NKAIN3: variants seen among roughly 807,000 people sequenced by gnomAD.
The protein encoded by NKAIN3 is sodium/potassium-transporting ATPase subunit beta-1-interacting protein 3.
In NKAIN3, 25 loss-of-function variants were observed where a neutral mutation model predicts 30.2. The observed-to-expected ratio is 0.83, with a 90% CI of 0.60 to 1.16. The LOEUF (loss-of-function observed/expected upper bound fraction) is 1.16, where lower values mean the gene tolerates loss of function less well. Ranked by LOEUF, NKAIN3 falls within the 50% of genes most tolerant of loss-of-function variation. The pLI is 0.00. For synonymous variants in NKAIN3, 91 were observed against 89.6 expected, an observed-to-expected ratio of 1.02 and a Z score of -0.09; for missense variants, 225 against 254.1, an observed-to-expected ratio of 0.89 and a Z score of 0.78.
At chr8:62,857,020 C>T (rs1311053538) in intron 4 of NKAIN3, 7 of 516,480 alleles carry the variant, frequency 1.4e-5, no homozygotes, top group Non-Finnish European at 2.3e-5. Context: ...CTTCAAGGTT[C>T]TCTTCTTGTT....
intron 3 of NKAIN3, among the ~76,000 whole-genome samples, chr8:62,656,511 G>T (rs1812769869): frequency 6.6e-6 from 1 of 151,940 alleles, no homozygotes; most frequent in Non-Finnish European, 1.5e-5. Flanking sequence ...AAGGAAGGTA[G>T]GTCCATAGCA....
chr8:62,576,207 A>T (rs982429785), intron 1 of NKAIN3, among the ~76,000 whole-genome samples: 35 of 152,222 alleles, frequency 2.3e-4, no homozygotes, highest in African/African-American at 7.9e-4. Flanking sequence ...AAAATTGCAA[A>T]CTACCCATCT....
intron 4 of NKAIN3, among the ~76,000 whole-genome samples, chr8:62,832,327 C>T (rs1005579515): frequency 1.3e-5 from 2 of 150,782 alleles, no homozygotes; most frequent in South Asian, 2.1e-4. Flanking sequence ...ATCCCACAGA[C>T]TCTATAAAGT....
At chr8:62,954,417 T>C (rs1823367190) in intron 6 of NKAIN3, among the ~76,000 whole-genome samples, 1 of 152,046 alleles carries the variant, frequency 6.6e-6, no homozygotes, top group African/African-American at 2.4e-5. Flanking sequence ...AGGGGGGAAA[T>C]AGATTAAATT....
At chr8:62,387,694 C>G (rs1817470927) in intron 1 of NKAIN3, among the ~76,000 whole-genome samples, 1 of 152,124 alleles carries the variant, frequency 6.6e-6, no homozygotes, top group Non-Finnish European at 1.5e-5. Flanking sequence ...TTTGGTGATG[C>G]CTCTAGAGCT....
chr8:62,646,952 A>G (rs1812479005), intron 3 of NKAIN3, among the ~76,000 whole-genome samples: 1 of 152,168 alleles, frequency 6.6e-6, no homozygotes, highest in African/African-American at 2.4e-5. Flanking sequence ...AGCTCCCAGC[A>G]CAAAGGCCCT....
rs529961059 is a variant in NKAIN3 at position 62,760,726 on chromosome 8, T to C, written c.471+13597T>C. 1.3e-4 allele frequency among the ~76,000 whole-genome samples: 20 copies of C among 152,200 alleles called. 1 individual carries two copies. Among genetic ancestry groups the C allele is most frequent in the South Asian group, 8.3e-4 (4 of 4,824 alleles). On this transcript the variant is annotated intron_variant, in intron 4 of 6. Transcript: ENST00000623646. ...CACCAACATGGCACATGTATACATA[T>C]GTAACAAACCTGCACATTGTGCACA...
intron 1 of NKAIN3, among the ~76,000 whole-genome samples, chr8:62,516,665 G>C (rs534743749): frequency 1.3e-5 from 2 of 152,106 alleles, no homozygotes; most frequent in South Asian, 4.2e-4. Context: ...TATCTTTTAA[G>C]ACCTTTAACA....
At chr8:62,695,728 T>G (rs146315732) in intron 3 of NKAIN3, among the ~76,000 whole-genome samples, 2 of 152,302 alleles carry the variant, frequency 1.3e-5, no homozygotes, top group Non-Finnish European at 2.9e-5. Flanking sequence ...ACATGTTGCT[T>G]TTTTGTACTC....
rs574584026 is a variant in NKAIN3, at chr8:62,584,457, G to C, written c.192+4781G>C. On this transcript the variant is annotated intron_variant, in intron 2 of 6. Transcript: ENST00000623646. ...GATCACCTTTATGAAAATGTTTTGG[G>C]TAAAGGACCATGAGACTCAAGCTCA... Among the ~76,000 whole-genome samples, 13 of 152,240 alleles carry C rather than the reference G, an allele frequency of 8.5e-5. No individual in the cohort carries two copies. The East Asian group carries it at 2.3e-3, about 27-fold the overall frequency.
intron 1 of NKAIN3, among the ~76,000 whole-genome samples, chr8:62,290,408 A>T (rs369905180): frequency 6.6e-6 from 1 of 152,170 alleles, no homozygotes; most frequent in Non-Finnish European, 1.5e-5. Flanking sequence ...TTATTTTGAG[A>T]TACGTCCCAG....
intron 1 of NKAIN3, among the ~76,000 whole-genome samples, chr8:62,560,457 C>T (rs4394390): frequency 0.49 from 73,541 of 149,278 alleles, 19,076 homozygotes; most frequent in Non-Finnish European, 0.59. Flanking sequence ...TTTTTTCAGC[C>T]TATTTTCTGT....
intron 5 of NKAIN3, among the ~76,000 whole-genome samples, chr8:62,933,659 G>A (rs1822690169): frequency 6.6e-6 from 1 of 151,966 alleles, no homozygotes; most frequent in African/African-American, 2.4e-5. Context: ...ATTTTAAAAT[G>A]GGAAAAAATT....
chr8:62,988,573 T>G (rs1824252556), downstream of NKAIN3, among the ~76,000 whole-genome samples: 1 of 152,238 alleles, frequency 6.6e-6, no homozygotes, highest in Admixed American at 6.5e-5. Context: ...GAGCTGTACC[T>G]TGTCCCCTTT....
intron 3 of NKAIN3, among the ~76,000 whole-genome samples, chr8:62,732,709 A>C (rs1018200278): frequency 7.9e-5 from 12 of 152,042 alleles, no homozygotes; most frequent in Admixed American, 2.0e-4. Flanking sequence ...TACTGTATAC[A>C]CAGTTTTCAC....
intron 4 of NKAIN3, among the ~76,000 whole-genome samples, chr8:62,894,279 C>T (rs931316540): frequency 6.6e-6 from 1 of 152,054 alleles, no homozygotes; most frequent in Admixed American, 6.6e-5. Flanking sequence ...TCTGATGAAA[C>T]TCATATAATG....
At chr8:62,950,360 C>A (rs76538830) in intron 5 of NKAIN3, among the ~76,000 whole-genome samples, 10,068 of 152,204 alleles carry the variant, frequency 0.066, 583 homozygotes, top group East Asian at 0.28. Flanking sequence ...AAAACATCCT[C>A]ACCTTGAGGA....
At chr8:62,988,611 A>G (rs186208418), downstream of NKAIN3, among the ~76,000 whole-genome samples, 673 of 152,348 alleles carry the variant, frequency 4.4e-3, 1 homozygote, top group Middle Eastern at 0.017. Context: ...GCTGGTAGGC[A>G]GGGCACCAAG....
At chr8:62,696,381 T>C (rs1814154792) in intron 3 of NKAIN3, among the ~76,000 whole-genome samples, 1 of 152,218 alleles carries the variant, frequency 6.6e-6, no homozygotes. Context: ...TTCATATCTA[T>C]AGGCAACATG....
Sources: gnomAD v4.1 joint callset for allele counts (sites outside exome capture counted in the v4.1 genomes callset) on GRCh38, gnomAD v4.1.1 for gene constraint, MANE v1.5 for transcripts, NCBI Gene and HGNC (gene_info 2026-07-23, HGNC 2026-07-21) for gene names.